The following CCDC138 variants were observed in gnomAD, a reference collection of about 807,000 sequenced individuals.
CCDC138 encodes the protein coiled-coil domain containing 138, also known as coiled-coil domain-containing protein 138.
A neutral mutation model predicts 82.3 loss-of-function variants in CCDC138; 66 were observed. The observed-to-expected ratio is 0.80, with a 90% CI of 0.66 to 0.98. The LOEUF (loss-of-function observed/expected upper bound fraction) is 0.98, where lower values mean the gene tolerates loss of function less well. CCDC138 is among the 50% of genes least tolerant of loss of function. The pLI is 0.00. For synonymous variants in CCDC138, 297 were observed against 265.4 expected, an observed-to-expected ratio of 1.12 and a Z score of -1.16; for missense variants, 816 against 758.9, an observed-to-expected ratio of 1.08 and a Z score of -0.88.
intron 1 of CCDC138, 96 bp downstream of exon 1, chr2:108,787,011 T>C: frequency 1.3e-6 from 1 of 768,254 alleles, no homozygotes; most frequent in South Asian, 4.6e-5. Context: ...GCGCAGCGGC[T>C]CTGGTCCCGG....
At chr2:108,815,460 T>TG (rs1397518507) in intron 9 of CCDC138, among the ~76,000 whole-genome samples, 2 of 110,398 alleles carry the variant, frequency 1.8e-5, no homozygotes, top group East Asian at 3.0e-4. Flanking sequence ...AGGTTTTTGG[T>TG]GTTTTTTTTT....
chr2:108,884,086 T>C (rs1696367318), intron 2 of CCDC138: 1 of 152,374 alleles, frequency 6.6e-6, no homozygotes, highest in Non-Finnish European at 1.5e-5. Context: ...AAAATATTTG[T>C]AGAGATGGGG....
intron 2 of CCDC138, among the ~76,000 whole-genome samples, chr2:108,788,377 G>A (rs745449428): frequency 6.7e-6 from 1 of 150,308 alleles, no homozygotes; most frequent in Non-Finnish European, 1.5e-5. Flanking sequence ...CCGAGATGGC[G>A]CCACTACACT....
chr2:108,811,333 C>T (rs1683840718), intron 7 of CCDC138, among the ~76,000 whole-genome samples: 1 of 141,798 alleles, frequency 7.1e-6, no homozygotes, highest in East Asian at 2.2e-4. Flanking sequence ...TAGCCTTAAC[C>T]TCCAGGGCTT....
chr2:108,831,392 T>C (rs1687585065), intron 10 of CCDC138, among the ~76,000 whole-genome samples: 1 of 152,208 alleles, frequency 6.6e-6, no homozygotes, highest in South Asian at 2.1e-4. Context: ...GCCAAATCTT[T>C]TGAAACATTC....
At chr2:108,800,608 CTTTTTTTTT>C (rs67529329) in intron 6 of CCDC138, among the ~76,000 whole-genome samples, 5 of 33,492 alleles carry the variant, frequency 1.5e-4, no homozygotes, top group Admixed American at 1.1e-3. Flanking sequence ...CTCAGTTTAG[CTTTTTTTTT>C]TTTTTTTTTT....
chr2:108,815,964 T>C lies in CCDC138; in HGVS notation c.1065T>C (p.Tyr355=). ...AGGTACCACTTAATGGGCAAGTTTA[T>C]GAACTTTTAACTGTCTTCATGGACT... is the stretch of plus-strand genomic sequence containing the variant. ...TYKVPLNGQV[Y]ELLTVFMDWI... Residue 355 remains tyrosine (Y), a synonymous_variant, in exon 10 of 15, where the codon TAT becomes TAC. Transcript: ENST00000295124. The C allele has an allele frequency of 6.2e-7, 1 of 1,611,522 alleles. No homozygotes were observed. Among genetic ancestry groups the C allele is most frequent in the Non-Finnish European group, 8.5e-7 (1 of 1,179,218 alleles).
chr2:108,829,682 G>T (rs1262084184), intron 10 of CCDC138, among the ~76,000 whole-genome samples: 2 of 152,300 alleles, frequency 1.3e-5, no homozygotes, highest in African/African-American at 2.4e-5. Flanking sequence ...GGAGGCAGAG[G>T]TTGCAGTGAG....
chr2:108,830,949 C>A (rs1687479839), intron 10 of CCDC138, among the ~76,000 whole-genome samples: 1 of 152,106 alleles, frequency 6.6e-6, no homozygotes, highest in South Asian at 2.1e-4. Context: ...CCGAGGCAGG[C>A]AGATCACTTG....
downstream of CCDC138, among the ~76,000 whole-genome samples, chr2:108,876,827 A>G (rs1038086795): frequency 6.6e-6 from 1 of 152,198 alleles, no homozygotes; most frequent in African/African-American, 2.4e-5. Context: ...ATGTATATAC[A>G]AGGCAAGACA....
intron 13 of CCDC138, among the ~76,000 whole-genome samples, chr2:108,860,447 A>G (rs376772108): frequency 6.6e-6 from 1 of 151,740 alleles, no homozygotes; most frequent in East Asian, 1.9e-4. Flanking sequence ...TTTCCCCATT[A>G]AATATGATAT....
At chr2:108,878,993 G>A (rs1336837131), downstream of CCDC138, among the ~76,000 whole-genome samples, 1 of 151,522 alleles carries the variant, frequency 6.6e-6, no homozygotes, top group African/African-American at 2.4e-5. Context: ...AAATATTTAG[G>A]ATAAAGAAGT....
downstream of CCDC138, among the ~76,000 whole-genome samples, chr2:108,878,863 A>G (rs1420410604): frequency 3.9e-5 from 6 of 152,220 alleles, no homozygotes; most frequent in Non-Finnish European, 8.8e-5. Context: ...TGTAAGATAA[A>G]GAATCCTTTT....
At chr2:108,833,457 A>G (rs1574129366) in intron 10 of CCDC138, among the ~76,000 whole-genome samples, 1 of 152,364 alleles carries the variant, frequency 6.6e-6, no homozygotes, top group Non-Finnish European at 1.5e-5. Flanking sequence ...GAGATAGAGT[A>G]GGCAGGTTTT....
intron 13 of CCDC138, among the ~76,000 whole-genome samples, chr2:108,858,939 A>G (rs1693109379): frequency 6.6e-6 from 1 of 152,174 alleles, no homozygotes; most frequent in Non-Finnish European, 1.5e-5. Flanking sequence ...ACCTAGGTTG[A>G]TTCCACATCT....
chr2:108,821,268 G>T (rs1235237574), intron 10 of CCDC138, among the ~76,000 whole-genome samples: 2 of 152,108 alleles, frequency 1.3e-5, no homozygotes, highest in Non-Finnish European at 2.9e-5. Context: ...CGAGGCAGGA[G>T]AATTTCTTGA....
chr2:108,867,526 A>G (rs993071897), intron 13 of CCDC138, among the ~76,000 whole-genome samples: 1 of 151,820 alleles, frequency 6.6e-6, no homozygotes, highest in Non-Finnish European at 1.5e-5. Flanking sequence ...TTGGACTAGC[A>G]CTCCCCTCCC....
In CCDC138 at chr2:108,856,905, G is replaced by C. The variant is rs1423412002; in HGVS notation, c.1628G>C (p.Arg543Thr). 1 of 1,613,184 alleles carries C rather than the reference G, an allele frequency of 6.2e-7. No homozygotes were observed. The highest frequency in any genetic ancestry group is 1.7e-5 in the Admixed American group (1 of 59,922). Residue 543 changes from arginine (R) to threonine (T), a missense_variant, in exon 13 of 15, where the codon AGA becomes ACA. By Grantham distance (71) the Arg-to-Thr change is moderately conservative (BLOSUM62 -1). Transcript: ENST00000295124. ...QAVPVILSHL[R>T]ISSKGLLSNV... The stretch of plus-strand genomic sequence containing the variant: ...GTTCCAGTAATATTAAGTCATCTAA[G>C]AATATCCAGTAAAGGACTCCTGTCT...
At chr2:108,803,868 GT>G (rs1407539654) in intron 6 of CCDC138, among the ~76,000 whole-genome samples, 2 of 152,162 alleles carry the variant, frequency 1.3e-5, no homozygotes. Context: ...GAATGCATAT[GT>G]TTTTAGTATC....
Sources: allele counts gnomAD v4.1 joint callset (sites outside exome capture counted in the v4.1 genomes callset), GRCh38; gene constraint gnomAD v4.1.1; transcripts MANE v1.5; gene names NCBI Gene and HGNC (gene_info 2026-07-23, HGNC 2026-07-21).